KHDRBS2: variants seen among roughly 807,000 people sequenced by gnomAD.
The protein encoded by KHDRBS2 is KH RNA binding domain containing, signal transduction associated 2.
A neutral mutation model predicts 44.3 loss-of-function variants in KHDRBS2; 26 were observed. That is an observed-to-expected ratio of 0.59 (90% CI 0.43 to 0.81). The LOEUF is 0.81. Ranked by LOEUF, KHDRBS2 falls within the 40% of genes least tolerant of loss-of-function variation. KHDRBS2 has a pLI of 0.00. For synonymous variants in KHDRBS2, 194 were observed against 151.1 expected (o/e 1.28, Z -2.08); for missense variants, 476 against 433.1 (o/e 1.10, Z -0.88).
rs753241202 is a variant in KHDRBS2, at chr6:61,794,294, G to C, written c.811-61530C>G. Among the ~76,000 whole-genome samples the C allele has an allele frequency of 2.0e-3, 303 of 152,288 alleles. 5 individuals are homozygous for C. Among genetic ancestry groups the C allele is most frequent in the Non-Finnish European group, 2.5e-3 (169 of 68,024 alleles). On this transcript the variant is annotated intron_variant, in intron 6 of 8. Transcript: ENST00000281156. ...ACCGATGGGGAAGCCAAGATTAAGT[G>C]TTCTAATACGTGTAAGACATCACCA...
chr6:61,879,387 A>C (rs1185143857), intron 6 of KHDRBS2, among the ~76,000 whole-genome samples: 1 of 151,898 alleles, frequency 6.6e-6, no homozygotes, highest in Non-Finnish European at 1.5e-5. Context: ...TTCCTTTTTA[A>C]AGCCATGGAC....
chr6:61,735,858 C>G (rs1582493586), intron 6 of KHDRBS2, among the ~76,000 whole-genome samples: 1 of 151,984 alleles, frequency 6.6e-6, no homozygotes, highest in African/African-American at 2.4e-5. Context: ...AATATTTTTA[C>G]TATTCCATGT....
the KHDRBS2 span, among the ~76,000 whole-genome samples, chr6:61,664,083 G>T: frequency 6.6e-6 from 1 of 151,820 alleles, no homozygotes; most frequent in African/African-American, 2.4e-5. Flanking sequence ...TACCAGAAAG[G>T]CTTAACCTTT....
Position 61,990,010 on chromosome 6 carries a change from T to C in KHDRBS2, c.337-11798A>G, listed in dbSNP as rs191866049. On this transcript the variant is annotated intron_variant, in intron 3 of 8. Transcript: ENST00000281156. ...TATGTTCTTTCTCAGAGTTCTGTGG[T>C]GGAATAAGCACCAGTTGCCCACAGT... Among the ~76,000 whole-genome samples, 322 of 152,314 alleles carry C rather than the reference T, an allele frequency of 2.1e-3. 1 individual carries two copies. Among genetic ancestry groups the C allele is most frequent in the African/African-American group, 7.3e-3 (302 of 41,576 alleles).
At chr6:61,935,351 C>T (rs1446982101) in intron 4 of KHDRBS2, among the ~76,000 whole-genome samples, 1 of 152,104 alleles carries the variant, frequency 6.6e-6, no homozygotes, top group Non-Finnish European at 1.5e-5. Context: ...GGACTAACAA[C>T]AGGACAAGAG....
intron 1 of KHDRBS2, among the ~76,000 whole-genome samples, chr6:62,261,933 T>C (rs1838413377): frequency 6.6e-6 from 1 of 151,796 alleles, no homozygotes; most frequent in South Asian, 2.1e-4. Flanking sequence ...GTATACCTGG[T>C]AGTTTTCATT....
chr6:62,250,757 C>G (rs915931435), intron 1 of KHDRBS2, among the ~76,000 whole-genome samples: 3 of 151,608 alleles, frequency 2.0e-5, no homozygotes, highest in Non-Finnish European at 1.5e-5. Flanking sequence ...CACAGACTCA[C>G]AAGTTGTAAG....
chr6:61,625,769 A>G, the KHDRBS2 span, among the ~76,000 whole-genome samples: 1 of 152,142 alleles, frequency 6.6e-6, no homozygotes, highest in Non-Finnish European at 1.5e-5. Context: ...TCACTTACAC[A>G]TCTAATTCCG....
chr6:61,977,484 C>T (rs1296968858), intron 4 of KHDRBS2, among the ~76,000 whole-genome samples: 1 of 152,120 alleles, frequency 6.6e-6, no homozygotes, highest in Non-Finnish European at 1.5e-5. Flanking sequence ...GTTGCCCTCA[C>T]ATGGTAGAGT....
At chr6:61,908,778 AT>A (rs1422715613) in intron 4 of KHDRBS2, among the ~76,000 whole-genome samples, 3 of 152,210 alleles carry the variant, frequency 2.0e-5, no homozygotes, top group Admixed American at 6.5e-5. Context: ...TGTCAAAAAA[AT>A]GTAAGTTATA....
the KHDRBS2 span, among the ~76,000 whole-genome samples, chr6:61,635,993 A>G: frequency 6.6e-6 from 1 of 152,052 alleles, no homozygotes; most frequent in Admixed American, 6.6e-5. Context: ...TCAAACATAG[A>G]AGAAAATTAT....
At chr6:62,238,744 AAACT>A (rs1187592594) in intron 1 of KHDRBS2, among the ~76,000 whole-genome samples, 15 of 152,024 alleles carry the variant, frequency 9.9e-5, no homozygotes, top group East Asian at 5.8e-4. Flanking sequence ...GTACAGACTC[AAACT>A]AACAGTCCAC....
chr6:61,947,717 A>T (rs1440944554), intron 4 of KHDRBS2, among the ~76,000 whole-genome samples: 1 of 152,062 alleles, frequency 6.6e-6, no homozygotes, highest in Non-Finnish European at 1.5e-5. Flanking sequence ...CAATGCAAGT[A>T]GTAGGAATAT....
chr6:62,227,292 T>C (rs1176322647), intron 1 of KHDRBS2, among the ~76,000 whole-genome samples: 1 of 152,174 alleles, frequency 6.6e-6, no homozygotes, highest in African/African-American at 2.4e-5. Flanking sequence ...CAATTGTGAA[T>C]GGGAGTTGAT....
chr6:61,966,800 A>C (rs1438185103), intron 4 of KHDRBS2, among the ~76,000 whole-genome samples: 2 of 151,846 alleles, frequency 1.3e-5, no homozygotes, highest in Non-Finnish European at 2.9e-5. Context: ...TGGCTCAGAC[A>C]TTTCTTTTTA....
the KHDRBS2 span, among the ~76,000 whole-genome samples, chr6:61,602,001 A>G: frequency 6.6e-6 from 1 of 152,156 alleles, no homozygotes; most frequent in Non-Finnish European, 1.5e-5. Context: ...CATCAAATAT[A>G]AAAACCCAGC....
intron 6 of KHDRBS2, among the ~76,000 whole-genome samples, chr6:61,765,508 C>CT (rs899702096): frequency 2.6e-5 from 4 of 151,720 alleles, no homozygotes; most frequent in African/African-American, 4.8e-5. Context: ...ATCCTACATT[C>CT]TTTTTTTATT....
chr6:61,693,564 T>C (rs983348319), intron 8 of KHDRBS2, among the ~76,000 whole-genome samples: 1 of 152,144 alleles, frequency 6.6e-6, no homozygotes, highest in African/African-American at 2.4e-5. Context: ...TACAAGTTAT[T>C]AGGTAAAAAT....
chr6:62,126,028 T>A (rs1808879508), intron 2 of KHDRBS2, among the ~76,000 whole-genome samples: 1 of 150,906 alleles, frequency 6.6e-6, no homozygotes, highest in Non-Finnish European at 1.5e-5. Context: ...GGGTAGAGCA[T>A]TAAGCAGTCT....
Sources: gnomAD v4.1 joint callset for allele counts (sites outside exome capture counted in the v4.1 genomes callset) on GRCh38, gnomAD v4.1.1 for gene constraint, MANE v1.5 for transcripts, NCBI Gene and HGNC (gene_info 2026-07-23, HGNC 2026-07-21) for gene names.